The following FRAS1 variants were observed in gnomAD, a reference collection of about 807,000 sequenced individuals.
FRAS1 encodes extracellular matrix organizing protein FRAS1.
FRAS1 carries 290 observed loss-of-function variants against 435.2 expected under a neutral mutation model. That is an observed-to-expected ratio of 0.67 (90% CI 0.61 to 0.73). The LOEUF is 0.73. FRAS1 is among the 30% of genes least tolerant of loss of function. The pLI is 0.00. For synonymous variants in FRAS1, 1,800 were observed against 1,851.0 expected (o/e 0.97, Z 0.71); for missense variants, 4,860 against 5,001.5 (o/e 0.97, Z 0.85).
chr4:78,382,430 ATATACTGAACACTG>A (rs1732056233), intron 27 of FRAS1, among the ~76,000 whole-genome samples: 1 of 152,034 alleles, frequency 6.6e-6, no homozygotes, highest in Non-Finnish European at 1.5e-5. Flanking sequence ...AATAACAGTG[ATATACTGAACACTG>A]TTATTGGAAC....
Position 78,499,854 on chromosome 4 carries a change from G to C in FRAS1, c.9249G>C (p.Thr3083=), listed in dbSNP as rs1326973233. The C allele has an allele frequency of 6.2e-7, 1 of 1,613,512 alleles. No homozygotes were observed. Among genetic ancestry groups the C allele is most frequent in the Non-Finnish European group, 8.5e-7 (1 of 1,179,544 alleles). ...GGACCTCCAAGGTTCGCTGCAGCACGCGGGATGGCTCTGCCCAGTCTGGTG... is the reference window on the plus strand; with the variant it reads ...GGACCTCCAAGGTTCGCTGCAGCACCCGGGATGGCTCTGCCCAGTCTGGTG... ...QNRTSKVRCS[T]RDGSAQSGVD... is the part of the protein sequence containing the mutation. Residue 3083 remains threonine (T), a synonymous_variant, in exon 61 of 74, where the codon ACG becomes ACC. Transcript: ENST00000512123.
chr4:78,295,702 A>T (rs1034850223), intron 14 of FRAS1, among the ~76,000 whole-genome samples: 3 of 149,806 alleles, frequency 2.0e-5, no homozygotes, highest in Non-Finnish European at 4.4e-5. Context: ...TACTTTTTGT[A>T]TGTATATTCT....
At chr4:78,084,439 A>C (rs1741047944) in intron 2 of FRAS1, among the ~76,000 whole-genome samples, 2 of 152,146 alleles carry the variant, frequency 1.3e-5, no homozygotes, top group Admixed American at 1.3e-4. Context: ...AATGTAAATA[A>C]CAAAAAACTA....
At chr4:78,523,677 T>G (rs1256363835) in intron 69 of FRAS1, among the ~76,000 whole-genome samples, 1 of 152,216 alleles carries the variant, frequency 6.6e-6, no homozygotes, top group African/African-American at 2.4e-5. Flanking sequence ...TGATCTTATA[T>G]CAGATATTTT....
At chr4:78,246,220 G>T (rs979011684) in intron 4 of FRAS1, among the ~76,000 whole-genome samples, 1 of 152,146 alleles carries the variant, frequency 6.6e-6, no homozygotes, top group Non-Finnish European at 1.5e-5. Flanking sequence ...AAGAGACTTT[G>T]CTTTAATCCT....
rs187038339 is a variant in FRAS1, at chr4:78,327,250, A to G, written c.2138-6022A>G. Among the ~76,000 whole-genome samples, 276 of 152,164 alleles carry G rather than the reference A, an allele frequency of 1.8e-3. 2 individuals carry two copies. The highest frequency in any genetic ancestry group is 6.0e-3 in the African/African-American group (250 of 41,526). On this transcript the variant is annotated intron_variant, in intron 18 of 73. Transcript: ENST00000512123. ...GAAGAAAACAAAAAGTAACGAGAAG[A>G]AGGAAAAGGAGGGTACTCATTTCAA...
intron 38 of FRAS1, among the ~76,000 whole-genome samples, chr4:78,436,672 G>A (rs1734441494): frequency 6.6e-6 from 1 of 151,924 alleles, no homozygotes; most frequent in African/African-American, 2.4e-5. Flanking sequence ...ATGGATCTTA[G>A]CAGTCTAATG....
At chr4:78,220,838 AT>A (rs996234710) in intron 2 of FRAS1, among the ~76,000 whole-genome samples, 1 of 152,060 alleles carries the variant, frequency 6.6e-6, no homozygotes, top group Admixed American at 6.6e-5. Context: ...TACTAGTAGC[AT>A]TTTTTTCTTT....
intron 9 of FRAS1, among the ~76,000 whole-genome samples, chr4:78,271,736 C>T (rs1254530139): frequency 6.6e-6 from 1 of 152,118 alleles, no homozygotes; most frequent in Non-Finnish European, 1.5e-5. Context: ...TGGGTTGGTT[C>T]TGAGTCTTTG....
intron 5 of FRAS1, among the ~76,000 whole-genome samples, chr4:78,253,640 C>G (rs547437849): frequency 1.3e-5 from 2 of 152,092 alleles, no homozygotes; most frequent in Non-Finnish European, 2.9e-5. Context: ...AACCCCATTC[C>G]GTATTGGAAT....
rs1275419500 is a variant in FRAS1 at position 78,464,100 on chromosome 4, A to T, written c.6843A>T (p.Lys2281Asn). 6.2e-7 allele frequency: 1 copy of T among 1,613,696 alleles called. No homozygotes were observed. The highest frequency in any genetic ancestry group is 8.5e-7 in the Non-Finnish European group (1 of 1,179,834). Residue 2281 changes from lysine (K) to asparagine (N), a missense_variant, in exon 48 of 74, where the codon AAA becomes AAT. By Grantham distance (94) the Lys-to-Asn change is moderately conservative. Coordinates refer to ENST00000512123, the MANE Select transcript of FRAS1 (RefSeq NM_025074.7). ...VQYVHSSEAE[K>N]HSDAFSFTLS... is the part of the protein sequence containing the mutation. ...ATGTCCATTCTAGTGAGGCTGAGAA[A>T]CATTCAGATGCCTTCAGCTTTACAC...
At chr4:78,404,258 T>A (rs1340800914) in intron 30 of FRAS1, among the ~76,000 whole-genome samples, 1 of 152,162 alleles carries the variant, frequency 6.6e-6, no homozygotes, top group East Asian at 1.9e-4. Flanking sequence ...TACTAAATCT[T>A]CCCTTCAAAA....
chr4:78,524,317 CA>C (rs1721470564), intron 69 of FRAS1, among the ~76,000 whole-genome samples: 1 of 152,120 alleles, frequency 6.6e-6, no homozygotes, highest in East Asian at 1.9e-4. Flanking sequence ...AGATAAATGG[CA>C]AAATGAAGAA....
chr4:78,482,657 T>G, intron 58 of FRAS1, 122 bp downstream of exon 58: 2 of 1,042,056 alleles, frequency 1.9e-6, no homozygotes, highest in Admixed American at 4.8e-5. Flanking sequence ...TGTGTAGATG[T>G]GTATACGTGA....
In FRAS1 at chr4:78,542,762, G is replaced by A. The variant is rs1353606118; in HGVS notation, c.*1638G>A. On this transcript the variant is annotated 3_prime_UTR_variant, in exon 74 of 74. Coordinates refer to ENST00000512123, the MANE Select transcript of FRAS1 (RefSeq NM_025074.7). Reference sequence around the variant, plus strand: ...CTCCAGAAATGTTTGTTGAATGAATGAATGGTGTCATGGGTGAATGATGGG... The same window carrying A: ...CTCCAGAAATGTTTGTTGAATGAATAAATGGTGTCATGGGTGAATGATGGG... 6.6e-6 allele frequency: 1 copy of A among 152,602 alleles called. No homozygotes were observed. Among genetic ancestry groups the A allele is most frequent in the Non-Finnish European group, 1.5e-5 (1 of 68,044 alleles). The allele number at this position is 152,602 out of a possible 1,614,324, so 9.5% of individuals were successfully genotyped here.
At chr4:78,212,129 T>C (rs1723540516) in intron 2 of FRAS1, among the ~76,000 whole-genome samples, 1 of 152,216 alleles carries the variant, frequency 6.6e-6, no homozygotes, top group African/African-American at 2.4e-5. Flanking sequence ...TGTTTCCACA[T>C]TTTGGCCATT....
At chr4:78,158,844 C>T (rs189793146) in intron 2 of FRAS1, among the ~76,000 whole-genome samples, 12 of 152,264 alleles carry the variant, frequency 7.9e-5, no homozygotes, top group Non-Finnish European at 1.3e-4. Context: ...GCCGTTCCGT[C>T]TTTACATCTC....
At chr4:78,307,412 G>C (rs1728804113) in intron 14 of FRAS1, among the ~76,000 whole-genome samples, 1 of 152,244 alleles carries the variant, frequency 6.6e-6, no homozygotes, top group Non-Finnish European at 1.5e-5. Context: ...CTTCCTGGCT[G>C]CTTTGTTTAC....
intron 5 of FRAS1, 22 bp from the exon 6 acceptor site, chr4:78,255,220 C>T: frequency 7.7e-6 from 12 of 1,551,604 alleles, no homozygotes; most frequent in Non-Finnish European, 1.0e-5. Context: ...CCCTAGTAAT[C>T]CTTGTTTCTT....
Sources: gnomAD v4.1 joint callset for allele counts (sites outside exome capture counted in the v4.1 genomes callset) on GRCh38, gnomAD v4.1.1 for gene constraint, MANE v1.5 for transcripts, NCBI Gene and HGNC (gene_info 2026-07-23, HGNC 2026-07-21) for gene names.